Variants in DPP6 observed in about 807,000 individuals in gnomAD.
DPP6 encodes A-type potassium channel modulatory protein DPP6.
In DPP6, 69 loss-of-function variants were observed where a neutral mutation model predicts 122.6. The observed-to-expected ratio is 0.56, with a 90% CI of 0.46 to 0.69. The LOEUF (loss-of-function observed/expected upper bound fraction) is 0.69. Ranked by LOEUF, DPP6 falls within the 30% of genes least tolerant of loss-of-function variation. The pLI, the probability that DPP6 is intolerant of heterozygous loss-of-function variation, is 0.00. For synonymous variants in DPP6, 418 were observed against 433.1 expected (o/e 0.97, Z 0.43); for missense variants, 928 against 1,116.9 (o/e 0.83, Z 2.41).
chr7:154,234,224 A>G (rs1801071757), intron 1 of DPP6, among the ~76,000 whole-genome samples: 1 of 152,202 alleles, frequency 6.6e-6, no homozygotes, highest in Admixed American at 6.5e-5. Context: ...TCTCTTCCTC[A>G]TTCAGGTAGC....
chr7:153,803,842 T>C, the DPP6 span, among the ~76,000 whole-genome samples: 37 of 149,242 alleles, frequency 2.5e-4, no homozygotes, highest in South Asian at 4.2e-4. Flanking sequence ...TATGTGTACA[T>C]ACACACACAC....
intron 1 of DPP6, among the ~76,000 whole-genome samples, chr7:154,399,872 T>G (rs1232123912): frequency 6.6e-6 from 1 of 152,212 alleles, no homozygotes; most frequent in African/African-American, 2.4e-5. Flanking sequence ...GACTGAATTT[T>G]AACTTAGTCT....
chr7:154,040,812 T>A (rs1799722623), intron 1 of DPP6, among the ~76,000 whole-genome samples: 1 of 151,826 alleles, frequency 6.6e-6, no homozygotes, highest in Non-Finnish European at 1.5e-5. Context: ...AATGCACACT[T>A]AGCCTGCGTG....
At chr7:154,476,645 A>G (rs1329826405) in intron 3 of DPP6, among the ~76,000 whole-genome samples, 1 of 152,242 alleles carries the variant, frequency 6.6e-6, no homozygotes, top group Non-Finnish European at 1.5e-5. Context: ...AGCGATGGCT[A>G]GGAGCTTGTT....
rs924013855 is a variant in DPP6 at position 154,646,964 on chromosome 7, A to G, written c.680+9091A>G. On this transcript the variant is annotated intron_variant, in intron 6 of 25. Coordinates refer to ENST00000377770, the MANE Select transcript of DPP6 (RefSeq NM_130797.4). ...CCTCAGGGACTTTCTTAGAAAGTCT[A>G]AAAGATTTTCAAACAAACAAGTCTC... Among the ~76,000 whole-genome samples, 3 of 152,212 alleles carry G rather than the reference A, an allele frequency of 2.0e-5. No homozygotes were observed. In the East Asian group the frequency reaches 5.8e-4, roughly 29 times the overall value.
chr7:154,156,226 T>C (rs574798635), intron 1 of DPP6, among the ~76,000 whole-genome samples: 16 of 152,380 alleles, frequency 1.1e-4, no homozygotes, highest in African/African-American at 3.6e-4. Context: ...AGCTCATCTC[T>C]TTTGCAGGCC....
chr7:154,715,211 C>G (rs1841415115), intron 7 of DPP6, among the ~76,000 whole-genome samples: 1 of 152,112 alleles, frequency 6.6e-6, no homozygotes, highest in Non-Finnish European at 1.5e-5. Flanking sequence ...GGATTACAGG[C>G]ACCTGCCACC....
intron 1 of DPP6, among the ~76,000 whole-genome samples, chr7:153,990,728 T>A (rs1380875964): frequency 6.6e-6 from 1 of 151,996 alleles, no homozygotes; most frequent in South Asian, 2.1e-4. Context: ...GTATTGCCTA[T>A]GGTGTTATAG....
chr7:154,524,942 C>G (rs1416870759), intron 3 of DPP6, among the ~76,000 whole-genome samples: 1 of 152,114 alleles, frequency 6.6e-6, no homozygotes, highest in Non-Finnish European at 1.5e-5. Context: ...CTGGAAACAT[C>G]CATTTTTTCA....
At chr7:153,899,364 C>T (rs1799546940) in intron 1 of DPP6, among the ~76,000 whole-genome samples, 1 of 152,166 alleles carries the variant, frequency 6.6e-6, no homozygotes, top group Non-Finnish European at 1.5e-5. Context: ...ACCATCCAGC[C>T]ATAATCTCAG....
rs36007704 is a variant in DPP6, at chr7:154,863,344, A to ATTT, written c.1715-4638_1715-4636dup. The stretch of plus-strand genomic sequence containing the variant: ...CAAGATTCTACAATCCTTTCATAGG[A>ATTT]TTTTTTTTTTTTTTTGAGATGGGGG... On this transcript the variant is annotated intron_variant, in intron 17 of 25. Coordinates refer to ENST00000377770, the MANE Select transcript of DPP6 (RefSeq NM_130797.4). The surrounding 1 kb of genome is among the most constrained non-coding windows in gnomAD (Gnocchi z 4.1). 0.021 allele frequency among the ~76,000 whole-genome samples: 2,972 copies of ATTT among 141,504 alleles called. 86 individuals carry two copies. Among genetic ancestry groups the ATTT allele is most frequent in the African/African-American group, 0.054 (2,048 of 38,084 alleles). 92.8% of individuals were successfully genotyped at this position (141,504 alleles called of 152,430 possible). A position where few individuals can be genotyped will look rare whatever the true frequency, so the allele number is the denominator to read the frequency against.
intron 21 of DPP6, among the ~76,000 whole-genome samples, chr7:154,882,275 C>T (rs1805449980): frequency 6.6e-6 from 1 of 152,198 alleles, no homozygotes; most frequent in African/African-American, 2.4e-5. Context: ...ACCCCCACAC[C>T]CTGTACCCCC....
At chr7:154,794,409 G>A (rs1232479949) in intron 11 of DPP6, among the ~76,000 whole-genome samples, 1 of 152,204 alleles carries the variant, frequency 6.6e-6, no homozygotes, top group Non-Finnish European at 1.5e-5. Flanking sequence ...AGACCCGACC[G>A]AACCCATCCG....
At chr7:153,851,639 C>T in the DPP6 span, among the ~76,000 whole-genome samples, 1 of 151,894 alleles carries the variant, frequency 6.6e-6, no homozygotes, top group African/African-American at 2.4e-5. Context: ...ATCTTGGTGT[C>T]CTGTCCATTT....
chr7:154,402,769 GA>G (rs938142106), intron 1 of DPP6, among the ~76,000 whole-genome samples: 9 of 149,340 alleles, frequency 6.0e-5, no homozygotes, highest in South Asian at 2.1e-4. Flanking sequence ...TTAAAAAAAA[GA>G]AAAAAATAAA....
At chr7:154,736,676 A>G (rs781560734) in intron 8 of DPP6, among the ~76,000 whole-genome samples, 3 of 152,208 alleles carry the variant, frequency 2.0e-5, no homozygotes, top group Non-Finnish European at 4.4e-5. Context: ...ATGACAACCA[A>G]TTATTTCAAA....
chr7:154,799,864 T>C (rs1352168657), intron 12 of DPP6, among the ~76,000 whole-genome samples: 1 of 152,180 alleles, frequency 6.6e-6, no homozygotes, highest in Non-Finnish European at 1.5e-5. Flanking sequence ...AAAAATACAT[T>C]TACCACATGA....
chr7:154,026,683 G>A (rs1798970168), intron 1 of DPP6: 1 of 150,992 alleles, frequency 6.6e-6, no homozygotes, highest in African/African-American at 2.4e-5. Flanking sequence ...TGTCCTTAGT[G>A]AGTTTAACTG....
chr7:154,840,318 G>T (rs1470290222), intron 16 of DPP6, among the ~76,000 whole-genome samples: 1 of 152,202 alleles, frequency 6.6e-6, no homozygotes, highest in East Asian at 1.9e-4. Flanking sequence ...GTCACACGGT[G>T]GACCAACCAT....
Sources: gnomAD v4.1 joint callset for allele counts (sites outside exome capture counted in the v4.1 genomes callset) on GRCh38, gnomAD v4.1.1 for gene constraint, Gnocchi (gnomAD v3.1) non-coding constraint, MANE v1.5 for transcripts, NCBI Gene and HGNC (gene_info 2026-07-23, HGNC 2026-07-21) for gene names.